Variants in TRIML1 observed in about 807,000 individuals in gnomAD.
The protein encoded by TRIML1 is tripartite motif family like 1.
A neutral mutation model predicts 32.3 loss-of-function variants in TRIML1; 34 were observed. That is an observed-to-expected ratio of 1.05 (90% confidence interval 0.80 to 1.40). TRIML1 has a LOEUF of 1.40. Ranked by LOEUF, TRIML1 falls within the 40% of genes most tolerant of loss-of-function variation. The pLI is 0.00. For missense variants in TRIML1, 595 were observed against 574.9 expected, an observed-to-expected ratio of 1.03 and a Z score of -0.36; for synonymous variants, 244 against 226.6, an observed-to-expected ratio of 1.08 and a Z score of -0.69.
Position 188,139,625 on chromosome 4 carries a change from T to C in TRIML1, c.67T>C (p.Phe23Leu). 6.2e-7 allele frequency: 1 copy of C among 1,613,908 alleles called. No individual in the cohort carries two copies. Among genetic ancestry groups the C allele is most frequent in the Non-Finnish European group, 8.5e-7 (1 of 1,179,892 alleles). ...CACCTGTTTCATCTGCTTAGACTAT[T>C]TCAGCAGCCCAGTGACCACCGAGTG... ...ELTCFICLDY[F>L]SSPVTTECGH... Residue 23 changes from phenylalanine to leucine, a missense_variant, in exon 1 of 6, where the codon TTC (phenylalanine) becomes CTC (leucine). Transcript: ENST00000332517.
rs368011788 is a variant in TRIML1, at chr4:188,143,984, G to C, written c.759-52G>C. The C allele has an allele frequency of 8.7e-6, 14 of 1,607,810 alleles. No homozygotes were observed. The East Asian group carries it at 2.0e-4, about 23-fold the overall frequency. On this transcript the variant is annotated intron_variant, in intron 4 of 5. Transcript: ENST00000332517. Reference sequence around the variant, plus strand: ...AGAAATGAGGTGGACTCTCCAGCTGGAGCAGGTCACGCGGTCTGTGCCGAG... The same window carrying C: ...AGAAATGAGGTGGACTCTCCAGCTGCAGCAGGTCACGCGGTCTGTGCCGAG...
Position 188,139,724 on chromosome 4 carries a change from T to A in TRIML1, c.166T>A (p.Cys56Ser), listed in dbSNP as rs765843433. Residue 56 changes from cysteine (C) to serine (S), a missense_variant, in exon 1 of 6, where the codon TGC (cysteine) becomes AGC (serine). Coordinates refer to ENST00000332517, the MANE Select transcript of TRIML1 (RefSeq NM_178556.5). ...EHNTPLSCPE[C>S]WRTLEGPHFQ... ...TAACACACCTTTATCTTGTCCTGAG[T>A]GCTGGAGGACCTTGGAGGGCCCGCA... is the stretch of plus-strand genomic sequence containing the variant. The A allele has an allele frequency of 2.5e-6, 4 of 1,613,782 alleles. No individual in the cohort carries two copies. The highest frequency in any genetic ancestry group is 1.3e-5 in the African/African-American group (1 of 74,854).
At chr4:188,140,646 C>T (rs1034521816) in intron 2 of TRIML1, 23 bp downstream of exon 2, 5 of 1,561,470 alleles carry the variant, frequency 3.2e-6, no homozygotes, top group East Asian at 4.5e-5. Flanking sequence ...CTGACTTTTG[C>T]TGCTTGTATA....
downstream of TRIML1, among the ~76,000 whole-genome samples, chr4:188,150,420 C>T (rs976525732): frequency 3.9e-5 from 6 of 152,196 alleles, no homozygotes; most frequent in African/African-American, 1.4e-4. Context: ...TGAGCCACCG[C>T]ACCTGGGCCC....
At chr4:188,137,715 G>A (rs1734703631), upstream of TRIML1, among the ~76,000 whole-genome samples, 1 of 151,806 alleles carries the variant, frequency 6.6e-6, no homozygotes, top group Non-Finnish European at 1.5e-5. Flanking sequence ...GACCTCAAGT[G>A]ATCTGCCTGC....
downstream of TRIML1, among the ~76,000 whole-genome samples, chr4:188,148,670 G>C (rs1213087945): frequency 7.0e-6 from 1 of 143,304 alleles, no homozygotes; most frequent in African/African-American, 2.6e-5. Flanking sequence ...TGGAGCGATC[G>C]CAGCTCACTG....
rs1734818258 is a variant in TRIML1, at chr4:188,140,606, A to G, written c.487A>G (p.Arg163Gly). 5 of 1,613,652 alleles carry G rather than the reference A, an allele frequency of 3.1e-6. No individual in the cohort carries two copies. Among genetic ancestry groups the G allele is most frequent in the Non-Finnish European group, 3.4e-6 (4 of 1,179,650 alleles). The part of the protein sequence containing the change: ...AQAVLTHEKE[R>G]VKLCQEETKT... ...GGCTGTACTAACCCATGAGAAGGAG[A>G]GAGTGAAACTGTGCCAGGTCGGTGT... Residue 163 changes from arginine (R) to glycine (G), a missense_variant, in exon 2 of 6, where the codon AGA becomes GGA. Arg to Gly is a moderately radical substitution (Grantham distance 125, BLOSUM62 -2). Coordinates refer to ENST00000332517, the MANE Select transcript of TRIML1 (RefSeq NM_178556.5).
At chr4:188,150,438 T>A (rs1303018807), downstream of TRIML1, among the ~76,000 whole-genome samples, 1 of 152,198 alleles carries the variant, frequency 6.6e-6, no homozygotes, top group Non-Finnish European at 1.5e-5. Flanking sequence ...CCCCACTTAT[T>A]AGACAGATTT....
chr4:188,147,697 A>C lies in TRIML1; in HGVS notation c.*325A>C, dbSNP rs1735143496. On this transcript the variant is annotated 3_prime_UTR_variant, in exon 6 of 6. Coordinates refer to ENST00000332517, the MANE Select transcript of TRIML1 (RefSeq NM_178556.5). ...TACTGCCATAGGCCAGATTTTATAA[A>C]TATATGTCACTTTTTCAAGTGTATT... is the stretch of plus-strand genomic sequence containing the variant. The C allele has an allele frequency of 4.4e-6, 1 of 227,676 alleles. No individual in the cohort carries two copies. The highest frequency in any genetic ancestry group is 8.5e-6 in the Non-Finnish European group (1 of 118,232). The allele number at this position is 227,676 out of a possible 1,614,324, so 14.1% of individuals were successfully genotyped here. A position where few individuals can be genotyped will look rare whatever the true frequency, so the allele number is the denominator to read the frequency against.
At position 188,139,549 on chromosome 4, in the gene TRIML1, C is replaced by A. The variant is rs1294735642; in HGVS notation, c.-10C>A. On this transcript the variant is annotated 5_prime_UTR_variant, in exon 1 of 6. Transcript: ENST00000332517. ...AGGTGTAACCTGGCTGCATATCCAG[C>A]CTCGAGAAAATGTCTACAGCAGATC... is the stretch of plus-strand genomic sequence containing the variant. 7.1e-6 allele frequency: 11 copies of A among 1,557,088 alleles called. No homozygotes were observed. The highest frequency in any genetic ancestry group is 1.4e-5 in the African/African-American group (1 of 73,336).
Position 188,142,397 on chromosome 4 carries a change from A to C in TRIML1, c.650A>C (p.Lys217Thr). The C allele has an allele frequency of 6.2e-7, 1 of 1,613,954 alleles. No homozygotes were observed. The highest frequency in any genetic ancestry group is 8.5e-7 in the Non-Finnish European group (1 of 1,180,008). Residue 217 changes from lysine to threonine, a missense_variant, in exon 3 of 6, where the codon AAA becomes ACA. Lys to Thr is a moderately conservative substitution (Grantham distance 78, BLOSUM62 -1). Transcript: ENST00000332517. Reference protein sequence around the residue: ...NMRKLRNNEIKLTQQIRSLSK... With the variant: ...NMRKLRNNEITLTQQIRSLSK... Reference sequence around the variant, plus strand: ...AGGAAGCTGAGGAACAATGAGATCAAACTGACCCAGCAAATCAGAAGCCTA... The same window carrying C: ...AGGAAGCTGAGGAACAATGAGATCACACTGACCCAGCAAATCAGAAGCCTA...
chr4:188,144,563 T>C (rs7671522), intron 5 of TRIML1, among the ~76,000 whole-genome samples: 61,346 of 121,332 alleles, frequency 0.51, 16,837 homozygotes, highest in East Asian at 0.59. Flanking sequence ...GGGGTTTCAC[T>C]GTGTTAGCCA....
At position 188,144,081 on chromosome 4, in the gene TRIML1, G is replaced by C. The variant is rs1188749353; in HGVS notation, c.804G>C (p.Glu268Asp). ...LLQCPEATTT[E>D]LSLCRITGMK... ...AGTGTCCAGAGGCCACCACCACAGA[G>C]CTGAGTCTGTGCCGCATCACGGGAA... The change falls in exon 5 of 6, where the codon GAG (glutamate) becomes GAC (aspartate). Residue 268 changes from glutamate to aspartate, a missense_variant. By Grantham distance (45) the Glu-to-Asp change is conservative (BLOSUM62 2). Transcript: ENST00000332517. The C allele has an allele frequency of 1.2e-6, 2 of 1,614,114 alleles. No homozygotes were observed. The highest frequency in any genetic ancestry group is 4.5e-5 in the East Asian group (2 of 44,860).
chr4:188,148,958 G>A (rs1579174218), downstream of TRIML1, among the ~76,000 whole-genome samples: 2 of 130,164 alleles, frequency 1.5e-5, no homozygotes, highest in Middle Eastern at 4.7e-3. Context: ...CTGTCACCCA[G>A]GCTGGAGTGC....
chr4:188,142,400 T>C lies in TRIML1; in HGVS notation c.653T>C (p.Leu218Pro), dbSNP rs1214569267. The C allele has an allele frequency of 1.2e-6, 2 of 1,613,800 alleles. No homozygotes were observed. The highest frequency in any genetic ancestry group is 8.5e-7 in the Non-Finnish European group (1 of 1,179,992). ...MRKLRNNEIK[L>P]TQQIRSLSKM... The stretch of plus-strand genomic sequence containing the variant: ...AAGCTGAGGAACAATGAGATCAAAC[T>C]GACCCAGCAAATCAGAAGCCTAAGC... Residue 218 changes from leucine (L) to proline (P), a missense_variant, in exon 3 of 6, where the codon CTG becomes CCG. By Grantham distance (98) the Leu-to-Pro change is moderately conservative (BLOSUM62 -3). Coordinates refer to ENST00000332517, the MANE Select transcript of TRIML1 (RefSeq NM_178556.5).
rs1286368723 is a variant in TRIML1 at position 188,146,988 on chromosome 4, C to A, written c.1023C>A (p.His341Gln). The change falls in exon 6 of 6, where the codon CAC becomes CAA. Residue 341 changes from histidine to glutamine, a missense_variant. Transcript: ENST00000332517. ...CTCAGATCTTCACCAGTGGGAGACA[C>A]TACTGGGAGGTGGAGGTGGGAAACA... ...LGTQIFTSGRHYWEVEVGNKT... is the reference protein window; with the variant it reads ...LGTQIFTSGRQYWEVEVGNKT... The A allele has an allele frequency of 6.3e-7, 1 of 1,584,070 alleles. No individual in the cohort carries two copies. The highest frequency in any genetic ancestry group is 1.3e-5 in the African/African-American group (1 of 74,522).
chr4:188,149,768 A>C (rs919959158), downstream of TRIML1, among the ~76,000 whole-genome samples: 9 of 152,078 alleles, frequency 5.9e-5, no homozygotes, highest in African/African-American at 1.9e-4. Context: ...TCCTCCTTAG[A>C]CTATCTGTGG....
chr4:188,141,288 C>T (rs1294101041), intron 2 of TRIML1, among the ~76,000 whole-genome samples: 1 of 151,484 alleles, frequency 6.6e-6, no homozygotes, highest in African/African-American at 2.4e-5. Context: ...CTGCCTCAGC[C>T]TTCTGAGTAG....
chr4:188,146,839 C>T lies in TRIML1; in HGVS notation c.874C>T (p.Pro292Ser), dbSNP rs1735101095. 1 of 1,395,672 alleles carries T rather than the reference C, an allele frequency of 7.2e-7. No homozygotes were observed. The highest frequency in any genetic ancestry group is 2.8e-5 in the Admixed American group (1 of 35,998). The allele number at this position is 1,395,672 out of a possible 1,614,324, so 86.5% of individuals were successfully genotyped here. The change falls in exon 6 of 6, where the codon CCA becomes TCA. Residue 292 changes from proline to serine, a missense_variant. By Grantham distance (74) the Pro-to-Ser change is moderately conservative. Coordinates refer to ENST00000332517, the MANE Select transcript of TRIML1 (RefSeq NM_178556.5). ...RKFSTEITLD[P>S]ATANAYLVLS... ...TCTTGCAGCGGAGATAACGCTGGAC[C>T]CAGCCACAGCTAATGCCTATCTCGT...
Sources: allele counts gnomAD v4.1 joint callset (sites outside exome capture counted in the v4.1 genomes callset), GRCh38; gene constraint gnomAD v4.1.1; transcripts MANE v1.5; gene names NCBI Gene and HGNC (gene_info 2026-07-23, HGNC 2026-07-21).